Variants in SLCO1A2 observed in about 807,000 individuals in gnomAD.
The protein encoded by SLCO1A2 is OATP-1.
Under a neutral mutation model 69.0 loss-of-function variants are expected in SLCO1A2, and 67 were observed. The ratio of observed to expected loss-of-function variants is 0.97; its 90% CI spans 0.80 to 1.19. The LOEUF (loss-of-function observed/expected upper bound fraction) is 1.19, where lower values mean the gene tolerates loss of function less well. Ranked by LOEUF, SLCO1A2 falls within the 50% of genes most tolerant of loss-of-function variation. The probability of loss-of-function intolerance (pLI) is 0.00; values close to 1 mark genes in which losing one functional copy is unlikely to be tolerated. For synonymous variants in SLCO1A2, 260 were observed against 265.9 expected (o/e 0.98, Z 0.22); for missense variants, 787 against 793.7 (o/e 0.99, Z 0.10).
chr12:21,292,451 C>T, intron 11 of SLCO1A2, 115 bp from the exon 12 acceptor site: 1 of 684,198 alleles, frequency 1.5e-6, no homozygotes, highest in Non-Finnish European at 2.4e-6. Context: ...TTTACTCCAT[C>T]TCCATTATGA....
At chr12:21,303,570 G>C (rs1246467055) in intron 6 of SLCO1A2, among the ~76,000 whole-genome samples, 1 of 152,180 alleles carries the variant, frequency 6.6e-6, no homozygotes, top group Non-Finnish European at 1.5e-5. Flanking sequence ...ATGGCAAAAT[G>C]TCCCTATACT....
chr12:21,302,087 C>T (rs537836740), intron 6 of SLCO1A2, among the ~76,000 whole-genome samples: 1 of 152,086 alleles, frequency 6.6e-6, no homozygotes, highest in East Asian at 1.9e-4. Flanking sequence ...CTACCAAATA[C>T]TCCCTCTCTT....
At chr12:21,408,412 G>A (rs1941856744) in intron 1 of SLCO1A2, among the ~76,000 whole-genome samples, 1 of 151,888 alleles carries the variant, frequency 6.6e-6, no homozygotes, top group Non-Finnish European at 1.5e-5. Context: ...AGTCCTTTAA[G>A]TTGTCACTGT....
chr12:21,377,837 A>AAGGGG (rs1202221628), intron 1 of SLCO1A2, among the ~76,000 whole-genome samples: 2 of 152,176 alleles, frequency 1.3e-5, no homozygotes, highest in African/African-American at 2.4e-5. Flanking sequence ...ATGTAGAAAT[A>AAGGGG]ATTATTTTTA....
At chr12:21,416,236 T>C (rs1013528288) in intron 1 of SLCO1A2, among the ~76,000 whole-genome samples, 1 of 152,050 alleles carries the variant, frequency 6.6e-6, no homozygotes, top group Non-Finnish European at 1.5e-5. Context: ...CATTTTACCT[T>C]GGAAATATTG....
At chr12:21,374,326 A>G (rs1198317000) in intron 2 of SLCO1A2, 7 of 152,282 alleles carry the variant, frequency 4.6e-5, no homozygotes, top group Non-Finnish European at 5.9e-5. Flanking sequence ...TTGTGCCTAA[A>G]TTAGTTTTGC....
intron 2 of SLCO1A2, among the ~76,000 whole-genome samples, chr12:21,327,765 T>A (rs1483669691): frequency 6.6e-6 from 1 of 152,190 alleles, no homozygotes; most frequent in Non-Finnish European, 1.5e-5. Context: ...AACTTGCTTT[T>A]GATTTTTTTT....
chr12:21,334,236 G>A (rs182712026), intron 2 of SLCO1A2, among the ~76,000 whole-genome samples: 51 of 152,114 alleles, frequency 3.4e-4, no homozygotes, highest in Admixed American at 1.7e-3. Context: ...AGCCATTTTC[G>A]GAGAGTGACT....
chr12:21,400,951 T>G (rs867284442), intron 1 of SLCO1A2, among the ~76,000 whole-genome samples: 3,578 of 146,274 alleles, frequency 0.024, 77 homozygotes, highest in Non-Finnish European at 0.038. Flanking sequence ...TGGGTGCAGC[T>G]CACCAGCATG....
intron 2 of SLCO1A2, among the ~76,000 whole-genome samples, chr12:21,361,009 T>C (rs1458299904): frequency 1.3e-5 from 2 of 152,080 alleles, no homozygotes. Flanking sequence ...GACTTAAACA[T>C]CCCTGTCTGA....
intron 2 of SLCO1A2, among the ~76,000 whole-genome samples, chr12:21,360,925 G>GGCCT (rs1938810495): frequency 6.6e-6 from 1 of 152,176 alleles, no homozygotes; most frequent in Non-Finnish European, 1.5e-5. Flanking sequence ...AGCTCAAGGA[G>GGCCT]GCCTGCCTGC....
At chr12:21,341,553 A>G (rs1455048849) in intron 2 of SLCO1A2, among the ~76,000 whole-genome samples, 2 of 152,048 alleles carry the variant, frequency 1.3e-5, no homozygotes, top group Non-Finnish European at 2.9e-5. Flanking sequence ...TGTGTTGTCC[A>G]AGAACCTCTG....
intron 1 of SLCO1A2, among the ~76,000 whole-genome samples, chr12:21,389,528 C>G (rs1941050474): frequency 6.6e-6 from 1 of 152,008 alleles, no homozygotes; most frequent in African/African-American, 2.4e-5. Flanking sequence ...AACTGGAAAC[C>G]AGAAACTCAA....
chr12:21,327,838 T>C (rs1565501531), intron 2 of SLCO1A2, among the ~76,000 whole-genome samples: 1 of 152,142 alleles, frequency 6.6e-6, no homozygotes, highest in African/African-American at 2.4e-5. Context: ...TGGGGGACTG[T>C]TGCGAAGGCA....
intron 1 of SLCO1A2, chr12:21,378,357 C>G (rs372245942): frequency 6.2e-7 from 1 of 1,614,116 alleles, no homozygotes; most frequent in Non-Finnish European, 8.5e-7. Context: ...ACGTGGGATC[C>G]AATACATATG....
intron 2 of SLCO1A2, chr12:21,319,596 G>A (rs1019745965): frequency 1.2e-5 from 7 of 573,748 alleles, no homozygotes; most frequent in African/African-American, 5.8e-5. Flanking sequence ...TGTAAATGGA[G>A]GACCACACAA....
intron 2 of SLCO1A2, among the ~76,000 whole-genome samples, chr12:21,350,834 T>TGAAAAAAAAAA (rs1937884673): frequency 1.4e-4 from 1 of 7,314 alleles, no homozygotes; most frequent in Non-Finnish European, 2.1e-4. Flanking sequence ...AGACTCTGTC[T>TGAAAAAAAAAA]CAAAAAAAAA....
intron 2 of SLCO1A2, among the ~76,000 whole-genome samples, chr12:21,331,730 T>A (rs1190036393): frequency 6.6e-6 from 1 of 152,082 alleles, no homozygotes; most frequent in East Asian, 1.9e-4. Context: ...TTGCCTTCCC[T>A]GTTGGAAATT....
intron 2 of SLCO1A2, among the ~76,000 whole-genome samples, chr12:21,368,490 C>G (rs974091791): frequency 6.6e-6 from 1 of 151,660 alleles, no homozygotes; most frequent in African/African-American, 2.4e-5. Flanking sequence ...TTGTAGACAA[C>G]TGGAAAACGT....
Sources: gnomAD v4.1 joint callset for allele counts (sites outside exome capture counted in the v4.1 genomes callset) on GRCh38, gnomAD v4.1.1 for gene constraint, MANE v1.5 for transcripts, NCBI Gene and HGNC (gene_info 2026-07-23, HGNC 2026-07-21) for gene names.